The following FXR1 variants were observed in gnomAD, a reference collection of about 807,000 sequenced individuals.
FXR1 encodes RNA-binding protein FXR1.
A neutral mutation model predicts 84.0 loss-of-function variants in FXR1; 15 were observed. That is an observed-to-expected ratio of 0.18 (90% CI 0.12 to 0.27). The LOEUF (loss-of-function observed/expected upper bound fraction) is 0.27. Among genes scored for constraint, FXR1 ranks in the 10% least tolerant of loss-of-function variants. The probability of loss-of-function intolerance (pLI) is 1.00; values close to 1 mark genes in which losing one functional copy is unlikely to be tolerated. For missense variants in FXR1, 480 were observed against 774.4 expected (o/e 0.62, Z 4.51); for synonymous variants, 245 against 250.7 (o/e 0.98, Z 0.21).
intron 3 of FXR1, among the ~76,000 whole-genome samples, chr3:180,936,029 C>A (rs1720485446): frequency 6.6e-6 from 1 of 151,818 alleles, no homozygotes; most frequent in African/African-American, 2.4e-5. Flanking sequence ...ATAGCTGGAA[C>A]TACAGGCGTG....
chr3:180,926,080 A>G (rs1719141975), intron 1 of FXR1, among the ~76,000 whole-genome samples: 1 of 152,224 alleles, frequency 6.6e-6, no homozygotes, highest in Admixed American at 6.5e-5. Context: ...ATCAGGAATT[A>G]AGCCATGAAC....
At chr3:180,968,402 C>T in intron 14 of FXR1, 148 bp downstream of exon 14, 1 of 613,672 alleles carries the variant, frequency 1.6e-6, no homozygotes, top group East Asian at 2.8e-5. Context: ...ATAGCAGTAT[C>T]AGGAAAAGCC....
At chr3:180,969,370 A>C (rs1270151224) in intron 14 of FXR1, among the ~76,000 whole-genome samples, 1 of 152,242 alleles carries the variant, frequency 6.6e-6, no homozygotes, top group African/African-American at 2.4e-5. Flanking sequence ...TTACCAAAGG[A>C]ATCTTAGGAA....
chr3:180,982,008 TCA>T lies in FXR1; in HGVS notation c.*5719_*5720del, dbSNP rs1439088723. 6.6e-6 allele frequency: 1 copy of T among 152,008 alleles called. No homozygotes were observed. The highest frequency in any genetic ancestry group is 1.5e-5 in the Non-Finnish European group (1 of 67,952). The allele number at this position is 152,008 out of a possible 1,614,324, so 9.4% of individuals were successfully genotyped here. A position where few individuals can be genotyped will look rare whatever the true frequency, so the allele number is the denominator to read the frequency against. On this transcript the variant is annotated 3_prime_UTR_variant, in exon 17 of 17. Transcript: ENST00000357559. ...AGATCTGTAGAGATAAGTACTAGAC[TCA>T]CATCTCAGTACTATCAAGGAAAACA...
At position 180,948,329 on chromosome 3, in the gene FXR1, T is replaced by C; in HGVS notation, c.271-18T>C. On this transcript the variant is annotated intron_variant, in intron 4 of 16. Coordinates refer to ENST00000357559, the MANE Select transcript of FXR1 (RefSeq NM_005087.4). ...TTTTGTTCAGATGGGATTTTTAAAG[T>C]ATTTTGATGTCTTTTAGTTTTATGT... 2.6e-6 allele frequency: 4 copies of C among 1,540,254 alleles called. No homozygotes were observed. In the South Asian group the frequency reaches 4.6e-5, roughly 18 times the overall value.
chr3:180,925,646 A>G (rs1407300149), intron 1 of FXR1, among the ~76,000 whole-genome samples: 1 of 152,202 alleles, frequency 6.6e-6, no homozygotes, highest in Non-Finnish European at 1.5e-5. Flanking sequence ...GCTATCAGCT[A>G]TTCCAAGATG....
intron 1 of FXR1, among the ~76,000 whole-genome samples, chr3:180,925,467 G>T (rs943075297): frequency 2.6e-5 from 4 of 152,084 alleles, no homozygotes; most frequent in African/African-American, 9.7e-5. Flanking sequence ...TTTATCAGAA[G>T]GTGTTAACAA....
At chr3:180,955,853 G>A (rs904619920) in intron 9 of FXR1, among the ~76,000 whole-genome samples, 1 of 152,190 alleles carries the variant, frequency 6.6e-6, no homozygotes, top group African/African-American at 2.4e-5. Flanking sequence ...TCACTGAAGT[G>A]AGTACCTGTT....
At chr3:180,972,449 G>C (rs550455650) in intron 15 of FXR1, among the ~76,000 whole-genome samples, 1 of 152,114 alleles carries the variant, frequency 6.6e-6, no homozygotes, top group Non-Finnish European at 1.5e-5. Flanking sequence ...GTGAGACCCT[G>C]TCTCAAAAAA....
intron 9 of FXR1, among the ~76,000 whole-genome samples, chr3:180,956,818 C>T (rs1404453934): frequency 6.6e-6 from 1 of 152,058 alleles, no homozygotes; most frequent in East Asian, 1.9e-4. Flanking sequence ...TTGTACTGAC[C>T]AGTCTACTGT....
chr3:180,930,381 T>G (rs1719747140), intron 1 of FXR1, among the ~76,000 whole-genome samples: 1 of 152,216 alleles, frequency 6.6e-6, no homozygotes, highest in Non-Finnish European at 1.5e-5. Flanking sequence ...GAAGTGGTGA[T>G]TTTTAGATAG....
chr3:180,962,811 C>T lies in FXR1; in HGVS notation c.1078-72C>T, dbSNP rs112841637. 2.7e-5 allele frequency: 27 copies of T among 1,000,342 alleles called. No homozygotes were observed. The African/African-American group carries it at 2.9e-4, about 11-fold the overall frequency. 62.0% of individuals were successfully genotyped at this position (1,000,342 alleles called of 1,614,324 possible). On this transcript the variant is annotated intron_variant, in intron 11 of 16. Coordinates refer to ENST00000357559, the MANE Select transcript of FXR1 (RefSeq NM_005087.4). Reference sequence around the variant, plus strand: ...GTCACAGCTTTGATAGGGAGTACAGCTTTAGCTTTAGGCTTTAGGAAAACA... The same window carrying T: ...GTCACAGCTTTGATAGGGAGTACAGTTTTAGCTTTAGGCTTTAGGAAAACA...
At chr3:180,954,964 TGTTA>T (rs1341782679) in intron 9 of FXR1, among the ~76,000 whole-genome samples, 7 of 149,650 alleles carry the variant, frequency 4.7e-5, no homozygotes, top group Non-Finnish European at 8.9e-5. Flanking sequence ...GGAATTTAAC[TGTTA>T]GTATTTATGT....
intron 11 of FXR1, among the ~76,000 whole-genome samples, chr3:180,962,090 TATG>T (rs1712195141): frequency 1.3e-5 from 2 of 152,158 alleles, no homozygotes; most frequent in Admixed American, 1.3e-4. Context: ...TTTAGAAAAA[TATG>T]ACCCATAAAT....
Position 180,912,740 on chromosome 3 carries a change from C to G in FXR1, c.51+4C>G. The G allele has an allele frequency of 6.2e-7, 1 of 1,614,108 alleles. No individual in the cohort carries two copies. The highest frequency in any genetic ancestry group is 8.5e-7 in the Non-Finnish European group (1 of 1,180,014). On this transcript the variant is annotated splice_donor_region_variant and intron_variant, in intron 1 of 16. Coordinates refer to ENST00000357559, the MANE Select transcript of FXR1 (RefSeq NM_005087.4). ...CTCTAACGGGGCTTTCTACAAGGTA[C>G]TGACCGTTTTGCCACTTTGTCGAGT...
intron 10 of FXR1, among the ~76,000 whole-genome samples, chr3:180,958,329 C>T (rs769143770): frequency 2.6e-5 from 4 of 151,964 alleles, no homozygotes; most frequent in Non-Finnish European, 4.4e-5. Context: ...TTTAGTGCAC[C>T]TGTCACCTGA....
intron 11 of FXR1, among the ~76,000 whole-genome samples, chr3:180,961,864 C>G (rs1712164457): frequency 6.6e-6 from 1 of 152,140 alleles, no homozygotes. Context: ...ACTCTCAGAT[C>G]ACTTATGTAT....
At chr3:180,956,951 G>A (rs147035064) in intron 9 of FXR1, among the ~76,000 whole-genome samples, 1 of 152,258 alleles carries the variant, frequency 6.6e-6, no homozygotes, top group African/African-American at 2.4e-5. Context: ...ATTAACTGAG[G>A]ATGTGGACTT....
intron 9 of FXR1, among the ~76,000 whole-genome samples, chr3:180,954,716 T>C (rs1047547640): frequency 6.6e-6 from 1 of 152,180 alleles, no homozygotes; most frequent in Non-Finnish European, 1.5e-5. Context: ...ATTATTTTTT[T>C]TTGACGCTAG....
Sources: gnomAD v4.1 joint callset for allele counts (sites outside exome capture counted in the v4.1 genomes callset) on GRCh38, gnomAD v4.1.1 for gene constraint, MANE v1.5 for transcripts, NCBI Gene and HGNC (gene_info 2026-07-23, HGNC 2026-07-21) for gene names.